The following FRMD3 variants were observed in gnomAD, a reference collection of about 807,000 sequenced individuals.
The protein encoded by FRMD3 is FERM domain-containing protein 3.
FRMD3 carries 33 observed loss-of-function variants against 70.2 expected under a neutral mutation model. The ratio of observed to expected loss-of-function variants is 0.47; its 90% confidence interval spans 0.36 to 0.63. The LOEUF (loss-of-function observed/expected upper bound fraction) is 0.63, where lower values mean the gene tolerates loss of function less well. Ranked by LOEUF, FRMD3 falls within the 20% of genes least tolerant of loss-of-function variation. FRMD3 has a pLI of 0.00. For missense variants in FRMD3, 632 were observed against 711.4 expected (o/e 0.89, Z 1.27); for synonymous variants, 279 against 255.9 (o/e 1.09, Z -0.86).
chr9:83,249,381 G>A (rs2118516902), intron 13 of FRMD3, among the ~76,000 whole-genome samples: 1 of 152,236 alleles, frequency 6.6e-6, no homozygotes, highest in African/African-American at 2.4e-5. Flanking sequence ...CAGACCTAGG[G>A]CTAACTCTGC....
chr9:83,372,655 C>A (rs1215099689), intron 3 of FRMD3, among the ~76,000 whole-genome samples: 3 of 152,052 alleles, frequency 2.0e-5, no homozygotes, highest in Admixed American at 1.3e-4. Flanking sequence ...AATTCCAAAG[C>A]CCCTGCTCAG....
chr9:83,290,389 T>C lies in FRMD3; in HGVS notation c.1195+214A>G, dbSNP rs1834370799. 2.6e-5 allele frequency among the ~76,000 whole-genome samples: 4 copies of C among 152,356 alleles called. No individual in the cohort carries two copies. The South Asian group carries it at 8.3e-4, about 32-fold the overall frequency. On this transcript the variant is annotated intron_variant, in intron 13 of 13. Transcript: ENST00000304195. ...TTCATATATAATTTTAGAAATACTT[T>C]ATACCAGTGAAGTCTCTCCAAGAGA...
In FRMD3 at chr9:83,282,771, T is replaced by A. The variant is rs550974635; in HGVS notation, c.1195+7832A>T. 3.9e-5 allele frequency among the ~76,000 whole-genome samples: 6 copies of A among 152,376 alleles called. No homozygotes were observed. The East Asian group carries it at 1.2e-3, about 29-fold the overall frequency. ...ACAGCAGCCACCTGAACCACTGCTA[T>A]GCTTCCACTGCGGAATGCTGTATTT... On this transcript the variant is annotated intron_variant, in intron 13 of 13. Coordinates refer to ENST00000304195, the MANE Select transcript of FRMD3 (RefSeq NM_174938.6).
chr9:83,347,193 T>C (rs909333217), intron 4 of FRMD3, among the ~76,000 whole-genome samples: 2 of 152,356 alleles, frequency 1.3e-5, no homozygotes, highest in Non-Finnish European at 2.9e-5. Flanking sequence ...CGTCAGACTT[T>C]GGGGCTGTGC....
chr9:83,483,632 A>C (rs1267453341), intron 1 of FRMD3, among the ~76,000 whole-genome samples: 1 of 152,146 alleles, frequency 6.6e-6, no homozygotes, highest in Non-Finnish European at 1.5e-5. Context: ...CCAAGATGGG[A>C]GTTATCGCTT....
chr9:83,274,458 A>G (rs1833726425), intron 13 of FRMD3, among the ~76,000 whole-genome samples: 1 of 152,250 alleles, frequency 6.6e-6, no homozygotes, highest in South Asian at 2.1e-4. Flanking sequence ...GTCAAGAGCC[A>G]AGAAATATGT....
intron 6 of FRMD3, among the ~76,000 whole-genome samples, chr9:83,328,634 C>A (rs1251861132): frequency 6.6e-6 from 1 of 152,178 alleles, no homozygotes; most frequent in African/African-American, 2.4e-5. Context: ...TAGATAAAAT[C>A]TTTCAAACCA....
intron 4 of FRMD3, among the ~76,000 whole-genome samples, chr9:83,344,281 A>G (rs1823875392): frequency 6.6e-6 from 1 of 152,048 alleles, no homozygotes; most frequent in African/African-American, 2.4e-5. Context: ...TCAAAAACCA[A>G]TGTTTTTTCT....
intron 13 of FRMD3, 61 bp downstream of exon 13, chr9:83,290,542 C>T: frequency 2.5e-6 from 4 of 1,602,404 alleles, no homozygotes; most frequent in Non-Finnish European, 3.4e-6. Flanking sequence ...ATTGGCGCCT[C>T]CCTTGTTTTT....
intron 13 of FRMD3, among the ~76,000 whole-genome samples, chr9:83,270,466 G>A (rs1833497974): frequency 6.6e-6 from 1 of 152,184 alleles, no homozygotes; most frequent in Non-Finnish European, 1.5e-5. Flanking sequence ...GAGCCCTGGT[G>A]CCTTGACTGT....
Position 83,437,156 on chromosome 9 carries a change from G to A in FRMD3, c.148-47448C>T, listed in dbSNP as rs775061951. On this transcript the variant is annotated intron_variant, in intron 1 of 13. Coordinates refer to ENST00000304195, the MANE Select transcript of FRMD3 (RefSeq NM_174938.6). ...CCTGATGCTTTAGGGAGGCAAACTC[G>A]GCTTGACTTAATATTTGCTAATCTT... 9.2e-4 allele frequency among the ~76,000 whole-genome samples: 140 copies of A among 152,250 alleles called. 1 individual carries two copies. The highest frequency in any genetic ancestry group is 7.1e-4 in the Non-Finnish European group (48 of 68,020).
intron 13 of FRMD3, chr9:83,267,291 G>T: frequency 6.8e-7 from 1 of 1,471,682 alleles, no homozygotes; most frequent in Non-Finnish European, 9.0e-7. Context: ...TAACTCATGA[G>T]GGATCAGCAT....
rs569056774 is a variant in FRMD3, at chr9:83,469,142, G to A, written c.147+68943C>T. 1.4e-3 allele frequency among the ~76,000 whole-genome samples: 214 copies of A among 152,356 alleles called. 1 individual carries two copies. The highest frequency in any genetic ancestry group is 5.0e-3 in the African/African-American group (206 of 41,596). ...AACTAAAATGAGGCAAGATACAGACGAGAGCAGGGATGAAGACTTACACTG... is the reference window on the plus strand; with the variant it reads ...AACTAAAATGAGGCAAGATACAGACAAGAGCAGGGATGAAGACTTACACTG... On this transcript the variant is annotated intron_variant, in intron 1 of 13. Transcript: ENST00000304195.
At chr9:83,543,351 C>T (rs144617533), upstream of FRMD3, among the ~76,000 whole-genome samples, 29 of 152,162 alleles carry the variant, frequency 1.9e-4, no homozygotes, top group East Asian at 4.1e-3. Context: ...GTTGCCCTCA[C>T]CCCTGTGACA....
In FRMD3 at chr9:83,247,795, A is replaced by C. The variant is rs1303718440; in HGVS notation, c.*123T>G. 2.7e-6 allele frequency: 4 copies of C among 1,498,720 alleles called. No homozygotes were observed. In the Admixed American group the frequency reaches 9.3e-5, roughly 35 times the overall value. The allele number at this position is 1,498,720 out of a possible 1,614,324, so 92.8% of individuals were successfully genotyped here. On this transcript the variant is annotated 3_prime_UTR_variant, in exon 14 of 14. Transcript: ENST00000304195. ...TATGGAAAGCTAACTTAAAGGTTTG[A>C]ATAATCAATTATGAGTAAGGAACAC...
At chr9:83,280,148 C>T (rs546563270) in intron 13 of FRMD3, among the ~76,000 whole-genome samples, 1 of 152,232 alleles carries the variant, frequency 6.6e-6, no homozygotes, top group African/African-American at 2.4e-5. Context: ...ATAATCTCAT[C>T]ATGTGTTACA....
intron 1 of FRMD3, among the ~76,000 whole-genome samples, chr9:83,502,406 T>A (rs1301340314): frequency 6.6e-6 from 1 of 152,218 alleles, no homozygotes; most frequent in Non-Finnish European, 1.5e-5. Context: ...TGAGACTTGA[T>A]ATCTGCCTCT....
chr9:83,277,261 G>T (rs1156347155), intron 13 of FRMD3, among the ~76,000 whole-genome samples: 1 of 152,176 alleles, frequency 6.6e-6, no homozygotes, highest in East Asian at 1.9e-4. Flanking sequence ...TATAAAAATT[G>T]TCAGTAATAT....
chr9:83,386,844 T>C (rs533714594), intron 2 of FRMD3, among the ~76,000 whole-genome samples: 2 of 152,210 alleles, frequency 1.3e-5, no homozygotes, highest in Non-Finnish European at 2.9e-5. Context: ...TGAAGGTCAG[T>C]TATTTTGGAG....
Sources: allele counts gnomAD v4.1 joint callset (sites outside exome capture counted in the v4.1 genomes callset), GRCh38; gene constraint gnomAD v4.1.1; transcripts MANE v1.5; gene names NCBI Gene and HGNC (gene_info 2026-07-23, HGNC 2026-07-21).